GRAMD1B: variants seen among roughly 807,000 people sequenced by gnomAD.
The protein encoded by GRAMD1B is protein Aster-B.
Under a neutral mutation model 99.7 loss-of-function variants are expected in GRAMD1B, and 37 were observed. The ratio of observed to expected loss-of-function variants is 0.37; its 90% CI spans 0.29 to 0.49. The LOEUF is 0.49. Ranked by LOEUF, GRAMD1B falls within the 20% of genes least tolerant of loss-of-function variation. The probability of loss-of-function intolerance (pLI) is 0.98; values close to 1 mark genes in which losing one functional copy is unlikely to be tolerated. For synonymous variants in GRAMD1B, 427 were observed against 387.6 expected, an observed-to-expected ratio of 1.10 and a Z score of -1.19; for missense variants, 888 against 1,009.2, an observed-to-expected ratio of 0.88 and a Z score of 1.63.
intron 1 of GRAMD1B, among the ~76,000 whole-genome samples, chr11:123,466,727 T>A (rs73025948): frequency 0.048 from 7,320 of 152,242 alleles, 223 homozygotes; most frequent in African/African-American, 0.06. Flanking sequence ...TTGAGGCTGG[T>A]CCAGGGTTTT....
At chr11:123,477,166 CTTTCT>C (rs1951320433) in intron 1 of GRAMD1B, among the ~76,000 whole-genome samples, 1 of 150,600 alleles carries the variant, frequency 6.6e-6, no homozygotes, top group Non-Finnish European at 1.5e-5. Flanking sequence ...TTTCCTCCTT[CTTTCT>C]TTCTTTTTCT....
intron 1 of GRAMD1B, among the ~76,000 whole-genome samples, chr11:123,405,541 G>C (rs1212501935): frequency 6.6e-6 from 1 of 152,200 alleles, no homozygotes; most frequent in East Asian, 1.9e-4. Flanking sequence ...CTGTGTTTGA[G>C]ATGCACTGTT....
Position 123,606,629 on chromosome 11 carries a change from G to A in GRAMD1B, c.1344G>A (p.Glu448=). 6.2e-7 allele frequency: 1 copy of A among 1,611,774 alleles called. No individual in the cohort carries two copies. The highest frequency in any genetic ancestry group is 8.5e-7 in the Non-Finnish European group (1 of 1,179,166). Residue 448 remains glutamate (E), a synonymous_variant, in exon 11 of 20, where the codon GAG becomes GAA. Coordinates refer to ENST00000635736, the MANE Select transcript of GRAMD1B (RefSeq NM_001387025.1). ...TCCAGTTTGATGGGCTGCCCCTGGAGGAAGAGGCGCTGGAGGGAGACGGGT... is the reference window on the plus strand; with the variant it reads ...TCCAGTTTGATGGGCTGCCCCTGGAAGAAGAGGCGCTGGAGGGAGACGGGT... The part of the protein sequence containing the change: ...APVSFDGLPL[E]EEALEGDGSL...
At chr11:123,426,462 G>C (rs1948653468), upstream of GRAMD1B, among the ~76,000 whole-genome samples, 2 of 152,318 alleles carry the variant, frequency 1.3e-5, no homozygotes, top group Admixed American at 1.3e-4. Flanking sequence ...TTGTGTGTTT[G>C]AAGACAGTCA....
intron 1 of GRAMD1B, 152 bp from the exon 2 acceptor site, chr11:123,480,664 C>CTG (rs1181065863): frequency 5.1e-6 from 2 of 391,042 alleles, no homozygotes; most frequent in Admixed American, 4.4e-5. Context: ...TATGGTCTAA[C>CTG]TGTGCATTCT....
intron 1 of GRAMD1B, among the ~76,000 whole-genome samples, chr11:123,386,083 A>G (rs1947047519): frequency 6.6e-6 from 1 of 152,226 alleles, no homozygotes; most frequent in Non-Finnish European, 1.5e-5. Context: ...TTTTTTACCT[A>G]GATGTGGGCC....
chr11:123,411,386 G>A (rs1221662603), intron 1 of GRAMD1B, among the ~76,000 whole-genome samples: 1 of 152,104 alleles, frequency 6.6e-6, no homozygotes, highest in Non-Finnish European at 1.5e-5. Flanking sequence ...CTGGCATATA[G>A]CAGGTATAAT....
At chr11:123,605,805 A>G (rs892146930) in intron 10 of GRAMD1B, among the ~76,000 whole-genome samples, 1 of 152,218 alleles carries the variant, frequency 6.6e-6, no homozygotes, top group African/African-American at 2.4e-5. Flanking sequence ...CACTGCCTTG[A>G]TCTGACGTCA....
intron 2 of GRAMD1B, among the ~76,000 whole-genome samples, chr11:123,483,554 T>C (rs961966659): frequency 2.0e-5 from 3 of 151,990 alleles, no homozygotes; most frequent in African/African-American, 7.2e-5. Flanking sequence ...ACCTGGCTAA[T>C]TTTTGTATAT....
chr11:123,451,819 C>G (rs751771532), intron 1 of GRAMD1B, among the ~76,000 whole-genome samples: 5 of 148,856 alleles, frequency 3.4e-5, no homozygotes, highest in Admixed American at 6.7e-5. Context: ...ATTATTCATT[C>G]ATTTGTTTGA....
intron 2 of GRAMD1B, among the ~76,000 whole-genome samples, chr11:123,539,821 C>T (rs983833535): frequency 1.3e-5 from 2 of 152,186 alleles, no homozygotes; most frequent in Non-Finnish European, 2.9e-5. Flanking sequence ...TTTAATTCTG[C>T]TGTTCCTTTG....
At chr11:123,535,814 A>T (rs1943913938) in intron 2 of GRAMD1B, among the ~76,000 whole-genome samples, 1 of 152,086 alleles carries the variant, frequency 6.6e-6, no homozygotes, top group African/African-American at 2.4e-5. Context: ...TTCTCTTTTA[A>T]AAATCTATGG....
intron 1 of GRAMD1B, among the ~76,000 whole-genome samples, chr11:123,417,724 G>A (rs1475784001): frequency 1.3e-5 from 2 of 152,184 alleles, no homozygotes; most frequent in African/African-American, 4.8e-5. Flanking sequence ...GTCACTTGAG[G>A]TCAGGAGTTC....
intron 2 of GRAMD1B, among the ~76,000 whole-genome samples, chr11:123,569,831 A>G (rs1471519348): frequency 1.3e-5 from 2 of 152,358 alleles, no homozygotes; most frequent in East Asian, 3.9e-4. Context: ...CGTTTACCCC[A>G]TGCTACAAAT....
rs1010417078 is a variant in GRAMD1B at position 123,612,779 on chromosome 11, C to T, written c.1938C>T (p.Arg646=). 5 of 1,606,162 alleles carry T rather than the reference C, an allele frequency of 3.1e-6. No homozygotes were observed. The highest frequency in any genetic ancestry group is 8.5e-7 in the Non-Finnish European group (1 of 1,174,420). Residue 646 remains arginine (R), a synonymous_variant, in exon 15 of 20, where the codon CGC becomes CGT. Transcript: ENST00000635736. ...TCCTCAGGGTCTCCACAGAGCTGCGCTATCGAAAACAGCCCTGGGGGTTAG... is the reference window on the plus strand; with the variant it reads ...TCCTCAGGGTCTCCACAGAGCTGCGTTATCGAAAACAGCCCTGGGGGTTAG... The part of the protein sequence containing the change: ...KSRLRVSTEL[R]YRKQPWGLVK...
At chr11:123,499,485 G>A (rs762850620) in intron 2 of GRAMD1B, among the ~76,000 whole-genome samples, 4 of 152,256 alleles carry the variant, frequency 2.6e-5, no homozygotes, top group East Asian at 1.9e-4. Context: ...ATCACCATTC[G>A]GTGGCAAGGA....
At chr11:123,569,168 G>A (rs944977949) in intron 2 of GRAMD1B, among the ~76,000 whole-genome samples, 12 of 152,108 alleles carry the variant, frequency 7.9e-5, no homozygotes, top group African/African-American at 2.9e-4. Context: ...GACCTGAAAG[G>A]CCCTTTCAGC....
intron 2 of GRAMD1B, among the ~76,000 whole-genome samples, chr11:123,545,454 TA>T (rs1944958446): frequency 6.6e-6 from 1 of 152,172 alleles, no homozygotes; most frequent in Non-Finnish European, 1.5e-5. Flanking sequence ...TCCATCAGAA[TA>T]TCTGCCTGGG....
intron 1 of GRAMD1B, among the ~76,000 whole-genome samples, chr11:123,417,946 G>A (rs757405052): frequency 6.6e-6 from 1 of 151,924 alleles, no homozygotes; most frequent in Non-Finnish European, 1.5e-5. Flanking sequence ...ATTATTTTTT[G>A]TAGAGATCAG....
Sources: allele counts gnomAD v4.1 joint callset (sites outside exome capture counted in the v4.1 genomes callset), GRCh38; gene constraint gnomAD v4.1.1; transcripts MANE v1.5; gene names NCBI Gene and HGNC (gene_info 2026-07-23, HGNC 2026-07-21).